The following SLIT3 variants were observed in gnomAD, a reference collection of about 807,000 sequenced individuals.
SLIT3 encodes the protein slit homolog 3 protein.
In SLIT3, 68 loss-of-function variants were observed where a neutral mutation model predicts 184.0. That is an observed-to-expected ratio of 0.37 (90% confidence interval 0.30 to 0.45). The LOEUF is 0.45. SLIT3 is among the 20% of genes least tolerant of loss of function. SLIT3 has a pLI of 1.00. For synonymous variants in SLIT3, 831 were observed against 828.6 expected (o/e 1.00, Z -0.05); for missense variants, 1,707 against 2,026.0 (o/e 0.84, Z 3.02).
At chr5:169,107,824 T>C in intron 4 of SLIT3, among the ~76,000 whole-genome samples, 1 of 152,244 alleles carries the variant, frequency 6.6e-6, no homozygotes, top group Non-Finnish European at 1.5e-5. Flanking sequence ...AGACTACTGT[T>C]CTAACTGCCT....
At chr5:168,718,944 A>G (rs762519600) in intron 23 of SLIT3, among the ~76,000 whole-genome samples, 4 of 152,236 alleles carry the variant, frequency 2.6e-5, no homozygotes, top group Non-Finnish European at 4.4e-5. Flanking sequence ...AGAATATACA[A>G]ATGTTCAAAT....
At chr5:169,005,470 G>A (rs1755885463) in intron 4 of SLIT3, among the ~76,000 whole-genome samples, 1 of 152,180 alleles carries the variant, frequency 6.6e-6, no homozygotes, top group African/African-American at 2.4e-5. Flanking sequence ...ATTATAACCA[G>A]TGTGGTTGCT....
chr5:169,073,913 G>T (rs1758645129), intron 4 of SLIT3, among the ~76,000 whole-genome samples: 1 of 152,108 alleles, frequency 6.6e-6, no homozygotes, highest in Non-Finnish European at 1.5e-5. Context: ...CAATGCAGCT[G>T]GACAATACAG....
chr5:168,791,047 G>A (rs141081962), intron 10 of SLIT3: 1 of 152,322 alleles, frequency 6.6e-6, no homozygotes, highest in Non-Finnish European at 1.5e-5. Context: ...AGCTTACACC[G>A]GGCTTTTCTT....
At chr5:169,112,066 G>A (rs1760430353) in intron 4 of SLIT3, among the ~76,000 whole-genome samples, 1 of 152,194 alleles carries the variant, frequency 6.6e-6, no homozygotes, top group Non-Finnish European at 1.5e-5. Context: ...GTCCCTTTCA[G>A]GACTAGTATT....
chr5:168,849,854 G>A (rs765343097), intron 5 of SLIT3, among the ~76,000 whole-genome samples: 1 of 152,180 alleles, frequency 6.6e-6, no homozygotes, highest in East Asian at 1.9e-4. Context: ...GGGAATCCCT[G>A]CTTTCATGAA....
intron 1 of SLIT3, among the ~76,000 whole-genome samples, chr5:169,299,392 C>G (rs1767608739): frequency 6.6e-6 from 1 of 152,178 alleles, no homozygotes; most frequent in Admixed American, 6.5e-5. Context: ...CATCACTACT[C>G]TCTTCCAGCC....
At chr5:169,230,840 C>CTT (rs138201872) in intron 3 of SLIT3, among the ~76,000 whole-genome samples, 4 of 151,666 alleles carry the variant, frequency 2.6e-5, no homozygotes, top group Admixed American at 6.6e-5. Flanking sequence ...CAAAATAAAA[C>CTT]TTTTTTTTTA....
chr5:168,698,176 G>C (rs555282727), intron 27 of SLIT3, among the ~76,000 whole-genome samples: 11 of 152,176 alleles, frequency 7.2e-5, no homozygotes, highest in Admixed American at 2.0e-4. Context: ...GTATGAAGAG[G>C]CTGGTGATGC....
In SLIT3 at chr5:168,808,839, G is replaced by C. The variant is rs375510377; in HGVS notation, c.794-2252C>G. ...GGGAGCAGTTGGCCTCAGATGTCAGGGTGTTTGAAGTACAGATGGCGTTCC... is the reference window on the plus strand; with the variant it reads ...GGGAGCAGTTGGCCTCAGATGTCAGCGTGTTTGAAGTACAGATGGCGTTCC... On this transcript the variant is annotated intron_variant, in intron 8 of 35. Transcript: ENST00000519560. Among the ~76,000 whole-genome samples the C allele has an allele frequency of 1.8e-4, 28 of 152,280 alleles. 2 individuals are homozygous for C. The highest frequency in any genetic ancestry group is 6.5e-4 in the African/African-American group (27 of 41,560).
chr5:168,668,759 G>A (rs1459718195), intron 35 of SLIT3, among the ~76,000 whole-genome samples: 2 of 152,128 alleles, frequency 1.3e-5, no homozygotes, highest in African/African-American at 2.4e-5. Flanking sequence ...CTATCTAGAT[G>A]AGGAAGTGAA....
At chr5:168,911,954 T>G (rs2113083879) in intron 4 of SLIT3, among the ~76,000 whole-genome samples, 1 of 152,334 alleles carries the variant, frequency 6.6e-6, no homozygotes, top group South Asian at 2.1e-4. Flanking sequence ...TCCACTGCCA[T>G]GTATGAAGTA....
chr5:169,173,972 C>T (rs1762893105), intron 4 of SLIT3, among the ~76,000 whole-genome samples: 1 of 152,202 alleles, frequency 6.6e-6, no homozygotes, highest in Non-Finnish European at 1.5e-5. Context: ...GCATGTGGCT[C>T]AAGCCAGGCC....
intron 6 of SLIT3, among the ~76,000 whole-genome samples, chr5:168,837,035 C>T (rs1758073957): frequency 6.6e-6 from 1 of 152,156 alleles, no homozygotes; most frequent in African/African-American, 2.4e-5. Context: ...ATTTGAAGAG[C>T]ATGACTGTCA....
chr5:168,906,500 A>G (rs1761056701), intron 4 of SLIT3, among the ~76,000 whole-genome samples: 1 of 152,228 alleles, frequency 6.6e-6, no homozygotes, highest in Admixed American at 6.5e-5. Flanking sequence ...AAATACCTGC[A>G]TCCATTATGT....
chr5:168,909,285 A>G (rs767373211), intron 4 of SLIT3, among the ~76,000 whole-genome samples: 4 of 152,188 alleles, frequency 2.6e-5, no homozygotes, highest in Non-Finnish European at 5.9e-5. Flanking sequence ...TTGGCTTGCA[A>G]ATTCTTTAAA....
intron 5 of SLIT3, among the ~76,000 whole-genome samples, chr5:168,853,332 GA>G: frequency 1.3e-5 from 2 of 152,236 alleles, no homozygotes; most frequent in South Asian, 2.1e-4. Flanking sequence ...ACTAAGGAGA[GA>G]AATTGCAAAA....
At chr5:169,247,228 A>G (rs1162004026) in intron 2 of SLIT3, among the ~76,000 whole-genome samples, 1 of 126,642 alleles carries the variant, frequency 7.9e-6, no homozygotes, top group Non-Finnish European at 1.6e-5. Flanking sequence ...AAAAAAAAAA[A>G]AAAATGTTTT....
At chr5:168,795,953 G>A (rs1325558560) in intron 9 of SLIT3, among the ~76,000 whole-genome samples, 1 of 152,192 alleles carries the variant, frequency 6.6e-6, no homozygotes, top group African/African-American at 2.4e-5. Context: ...AAAAAGAGAT[G>A]GACCATGGGC....
Sources: allele counts gnomAD v4.1 joint callset (sites outside exome capture counted in the v4.1 genomes callset), GRCh38; gene constraint gnomAD v4.1.1; transcripts MANE v1.5; gene names NCBI Gene and HGNC (gene_info 2026-07-23, HGNC 2026-07-21).